The following TTC28 variants were observed in gnomAD, a reference collection of about 807,000 sequenced individuals.
The protein encoded by TTC28 is tetratricopeptide repeat protein 28.
A neutral mutation model predicts 198.0 loss-of-function variants in TTC28; 61 were observed. The observed-to-expected ratio is 0.31, with a 90% CI of 0.25 to 0.38. The LOEUF is 0.38. TTC28 is among the 10% of genes least tolerant of loss of function. The pLI is 1.00. For missense variants in TTC28, 2,678 were observed against 3,164.0 expected, an observed-to-expected ratio of 0.85 and a Z score of 3.69; for synonymous variants, 1,171 against 1,297.8, an observed-to-expected ratio of 0.90 and a Z score of 2.10.
intron 12 of TTC28, among the ~76,000 whole-genome samples, chr22:28,068,426 C>T (rs1940843099): frequency 6.6e-6 from 1 of 152,196 alleles, no homozygotes; most frequent in Non-Finnish European, 1.5e-5. Flanking sequence ...GGTGTTAAAG[C>T]ACCACTGTGT....
intron 6 of TTC28, among the ~76,000 whole-genome samples, chr22:28,151,855 A>G (rs1053161324): frequency 1.3e-5 from 2 of 152,142 alleles, no homozygotes; most frequent in Non-Finnish European, 2.9e-5. Flanking sequence ...ATGGCCCTTA[A>G]TAGGAACTGC....
chr22:28,094,804 G>A (rs986962672), intron 11 of TTC28, among the ~76,000 whole-genome samples: 2 of 152,074 alleles, frequency 1.3e-5, no homozygotes, highest in African/African-American at 4.8e-5. Context: ...AAAAATGATG[G>A]GTGCATGAAA....
At chr22:28,199,015 A>C (rs959729778) in intron 5 of TTC28, among the ~76,000 whole-genome samples, 3 of 152,120 alleles carry the variant, frequency 2.0e-5, no homozygotes, top group African/African-American at 7.2e-5. Flanking sequence ...TCAGTGTCAC[A>C]ACATAATGTT....
intron 1 of TTC28, among the ~76,000 whole-genome samples, chr22:28,655,855 A>T (rs1014400778): frequency 6.7e-6 from 1 of 148,306 alleles, no homozygotes. Context: ...CGTCTCAAAA[A>T]AAAGAAAAAA....
At chr22:28,529,757 T>G (rs1324590456) in intron 2 of TTC28, among the ~76,000 whole-genome samples, 2 of 152,186 alleles carry the variant, frequency 1.3e-5, no homozygotes, top group African/African-American at 4.8e-5. Context: ...ATATTTGCTG[T>G]TCTGCAGCCT....
At chr22:28,594,057 TC>T (rs561447760) in intron 2 of TTC28, among the ~76,000 whole-genome samples, 37 of 152,174 alleles carry the variant, frequency 2.4e-4, no homozygotes, top group Middle Eastern at 3.4e-3. Flanking sequence ...AACAAAAAGT[TC>T]CCAGGACTAT....
chr22:28,547,945 C>T (rs1016371018), intron 2 of TTC28, among the ~76,000 whole-genome samples: 2 of 151,806 alleles, frequency 1.3e-5, no homozygotes, highest in Non-Finnish European at 2.9e-5. Context: ...ATCAAGAATA[C>T]TAGATACGAA....
At chr22:28,633,149 G>A (rs1345179001) in intron 1 of TTC28, among the ~76,000 whole-genome samples, 3 of 151,312 alleles carry the variant, frequency 2.0e-5, no homozygotes, top group Non-Finnish European at 4.4e-5. Context: ...GCATGGTGGC[G>A]GGTGCCTATA....
intron 2 of TTC28, among the ~76,000 whole-genome samples, chr22:28,379,779 T>A (rs1290381219): frequency 3.3e-5 from 5 of 152,206 alleles, no homozygotes; most frequent in African/African-American, 1.2e-4. Context: ...GTTATGTGTA[T>A]TTTATCACAA....
intron 17 of TTC28, among the ~76,000 whole-genome samples, chr22:27,995,299 A>T (rs1350619079): frequency 1.3e-5 from 2 of 152,098 alleles, no homozygotes; most frequent in Non-Finnish European, 2.9e-5. Context: ...GCAGATTTGG[A>T]AGGAGCTTGG....
chr22:28,584,541 C>G (rs2050283302), intron 2 of TTC28, among the ~76,000 whole-genome samples: 1 of 152,110 alleles, frequency 6.6e-6, no homozygotes, highest in Non-Finnish European at 1.5e-5. Context: ...AATAAAGTAG[C>G]CATTAGTCAC....
chr22:28,210,249 G>T (rs967666804), intron 5 of TTC28, among the ~76,000 whole-genome samples: 1 of 152,194 alleles, frequency 6.6e-6, no homozygotes, highest in Non-Finnish European at 1.5e-5. Flanking sequence ...CCAAAGGAAC[G>T]CAGCTTCTCG....
At chr22:28,578,614 G>C (rs536718348) in intron 2 of TTC28, among the ~76,000 whole-genome samples, 3 of 152,114 alleles carry the variant, frequency 2.0e-5, no homozygotes, top group Non-Finnish European at 4.4e-5. Flanking sequence ...CCAGTATCTG[G>C]TTTTAACATC....
chr22:28,198,146 A>T (rs1463219060), intron 5 of TTC28, among the ~76,000 whole-genome samples: 1 of 152,168 alleles, frequency 6.6e-6, no homozygotes, highest in Non-Finnish European at 1.5e-5. Flanking sequence ...ATTCAAAACC[A>T]GGAATTTTCA....
intron 6 of TTC28, among the ~76,000 whole-genome samples, chr22:28,157,009 G>C (rs1244026123): frequency 6.6e-6 from 1 of 152,030 alleles, no homozygotes; most frequent in East Asian, 1.9e-4. Context: ...TGAAATAAAA[G>C]TTGGTTGTTT....
intron 12 of TTC28, among the ~76,000 whole-genome samples, chr22:28,046,736 C>T (rs527584480): frequency 1.4e-3 from 207 of 152,260 alleles, no homozygotes; most frequent in Middle Eastern, 3.4e-3. Flanking sequence ...TATACACAGG[C>T]TGCCTGTAAA....
At chr22:28,591,032 CACACACACATATATATAT>C (rs1179225040) in intron 2 of TTC28, among the ~76,000 whole-genome samples, 7,308 of 61,084 alleles carry the variant, frequency 0.12, 269 homozygotes, top group South Asian at 0.16. Flanking sequence ...CACACACACA[CACACACACATATATATAT>C]ATATATATAT....
In TTC28 at chr22:28,096,237, G is replaced by T; in HGVS notation, c.3719C>A (p.Ser1240Tyr). 1 of 1,551,424 alleles carries T rather than the reference G, an allele frequency of 6.4e-7. No individual in the cohort carries two copies. The highest frequency in any genetic ancestry group is 8.7e-7 in the Non-Finnish European group (1 of 1,146,822). ...GCTATACAGATAGCCTGCAGCCAGG[G>T]AATAGTAAAGCACTAGTCCCCTCTG... ...NGQRGLVLYYSLAAGYLYSWL... is the reference protein window; with the variant it reads ...NGQRGLVLYYYLAAGYLYSWL... The change falls in exon 11 of 23, where the codon TCC (serine) becomes TAC (tyrosine). Residue 1240 changes from serine to tyrosine, a missense_variant. This residue lies in a region of TTC28 where 727 missense variants were observed against 861.9 expected (regional missense o/e 0.84). Coordinates refer to ENST00000397906, the MANE Select transcript of TTC28 (RefSeq NM_001145418.2).
intron 12 of TTC28, among the ~76,000 whole-genome samples, chr22:28,088,039 C>T (rs2146836063): frequency 6.6e-6 from 1 of 152,262 alleles, no homozygotes; most frequent in African/African-American, 2.4e-5. Context: ...AAGAACATTC[C>T]ATGCTCATGG....
Sources: gnomAD v4.1 joint callset for allele counts (sites outside exome capture counted in the v4.1 genomes callset) on GRCh38, gnomAD v4.1.1 for gene constraint, gnomAD v4.1.1 regional missense constraint, MANE v1.5 for transcripts, NCBI Gene and HGNC (gene_info 2026-07-23, HGNC 2026-07-21) for gene names.